The following ZNF222 variants were observed in gnomAD, a reference collection of about 807,000 sequenced individuals.
ZNF222 encodes zinc finger protein 222.
In ZNF222, 8 loss-of-function variants were observed where a neutral mutation model predicts 11.6. The observed-to-expected ratio is 0.69, with a 90% CI of 0.41 to 1.25. The LOEUF is 1.25. ZNF222 is among the 50% of genes most tolerant of loss of function. ZNF222 has a pLI of 0.01. For missense variants in ZNF222, 483 were observed against 576.1 expected, an observed-to-expected ratio of 0.84 and a Z score of 1.65; for synonymous variants, 171 against 195.6, an observed-to-expected ratio of 0.87 and a Z score of 1.05.
chr19:44,027,386 G>A lies in ZNF222; in HGVS notation c.170-12G>A, dbSNP rs1435946125. The A allele has an allele frequency of 1.9e-6, 3 of 1,611,902 alleles. No homozygotes were observed. In the East Asian group the frequency reaches 6.7e-5, roughly 36 times the overall value. The stretch of plus-strand genomic sequence containing the variant: ...ATGTTGGGATTAAGCATGTGACTTT[G>A]CCTGTTCACAGGGCATCAACCATTC... On this transcript the variant is annotated splice_polypyrimidine_tract_variant and intron_variant, in intron 2 of 3. Transcript: ENST00000391960.
At position 44,032,016 on chromosome 19, in the gene ZNF222, A is replaced by G. The variant is rs746040219; in HGVS notation, c.462A>G (p.Glu154=). The change falls in exon 4 of 4, where the codon GAA becomes GAG. Residue 154 remains glutamate, a synonymous_variant. Transcript: ENST00000391960. The stretch of plus-strand genomic sequence containing the variant: ...GACTATCTACAGTTCACACAAGAGA[A>G]AAACCTTTCCAGGGTGAAAATTGTA... ...KARLSTVHTR[E]KPFQGENCKQ... is the part of the protein sequence containing the mutation. 14 of 1,614,276 alleles carry G rather than the reference A, an allele frequency of 8.7e-6. No individual in the cohort carries two copies. Among genetic ancestry groups the G allele is most frequent in the Non-Finnish European group, 1.2e-5 (14 of 1,180,052 alleles).
At position 44,032,759 on chromosome 19, in the gene ZNF222, C is replaced by T. The variant is rs891634829; in HGVS notation, c.1205C>T (p.Thr402Ile). 8 of 1,613,958 alleles carry T rather than the reference C, an allele frequency of 5.0e-6. No individual in the cohort carries two copies. The highest frequency in any genetic ancestry group is 3.3e-5 in the Admixed American group (2 of 60,002). ...SKSGLDFHHRTHTGERSYNCD... is the reference protein window; with the variant it reads ...SKSGLDFHHRIHTGERSYNCD... ...TCAGGTCTTGACTTCCACCATAGAA[C>T]CCACACGGGAGAGAGATCTTATAAC... The change falls in exon 4 of 4, where the codon ACC (threonine) becomes ATC (isoleucine). Residue 402 changes from threonine to isoleucine, a missense_variant. Transcript: ENST00000391960.
chr19:44,030,707 G>C (rs1186195245), intron 3 of ZNF222, among the ~76,000 whole-genome samples: 1 of 152,076 alleles, frequency 6.6e-6, no homozygotes, highest in Non-Finnish European at 1.5e-5. Flanking sequence ...CCCAATCAGG[G>C]GAACTTACCT....
chr19:44,029,206 T>G lies in ZNF222; in HGVS notation c.262+1716T>G, dbSNP rs999762683. 5.2e-3 allele frequency among the ~76,000 whole-genome samples: 744 copies of G among 142,020 alleles called. 23 individuals carry two copies. The highest frequency in any genetic ancestry group is 0.018 in the African/African-American group (695 of 37,742). 93.2% of individuals were successfully genotyped at this position (142,020 alleles called of 152,430 possible). A position where few individuals can be genotyped will look rare whatever the true frequency, so the allele number is the denominator to read the frequency against. ...GTTTTGTTTTGTTTTTTTTTTTTTT[T>G]TTTTTTTTGTCTGTGCAGGGCTGCT... On this transcript the variant is annotated intron_variant, in intron 3 of 3. Coordinates refer to ENST00000391960, the MANE Select transcript of ZNF222 (RefSeq NM_001129996.2).
chr19:44,031,675 G>T (rs1599860432), intron 3 of ZNF222, 142 bp from the exon 4 acceptor site: 1 of 846,112 alleles, frequency 1.2e-6, no homozygotes, highest in East Asian at 2.6e-5. Flanking sequence ...TAGAGACAGG[G>T]CATCACCATG....
At chr19:44,031,031 C>T (rs1164935183) in intron 3 of ZNF222, 2 of 152,228 alleles carry the variant, frequency 1.3e-5, no homozygotes, top group Non-Finnish European at 2.9e-5. Context: ...CTGACGACAA[C>T]GTCCTGACCT....
intron 3 of ZNF222, among the ~76,000 whole-genome samples, chr19:44,029,181 G>GTTTTTT (rs142571594): frequency 2.6e-5 from 3 of 113,718 alleles, no homozygotes; most frequent in African/African-American, 9.8e-5. Flanking sequence ...TTGTTGGTTT[G>GTTTTTT]TTTTGTTTTG....
intron 3 of ZNF222, among the ~76,000 whole-genome samples, 181 bp from the exon 4 acceptor site, chr19:44,031,636 C>T (rs993392359): frequency 1.3e-5 from 2 of 149,916 alleles, no homozygotes; most frequent in South Asian, 2.1e-4. Flanking sequence ...GTGTGTGCCA[C>T]CACACCCGGC....
rs1213042386 is a variant in ZNF222 at position 44,032,933 on chromosome 19, G to T, written c.1379G>T (p.Ser460Ile). 3.1e-6 allele frequency: 5 copies of T among 1,610,872 alleles called. 1 individual carries two copies. The highest frequency in any genetic ancestry group is 4.2e-6 in the Non-Finnish European group (5 of 1,179,314). The change falls in exon 4 of 4, where the codon AGT becomes ATT. Residue 460 changes from serine to isoleucine, a missense_variant. Transcript: ENST00000391960. ...SYCKDQQRDH[S>I]GENPSKCEDC... Reference sequence around the variant, plus strand: ...TGTAAAGACCAACAAAGAGACCACAGTGGAGAAAACCCATCCAAATGTGAG... The same window carrying T: ...TGTAAAGACCAACAAAGAGACCACATTGGAGAAAACCCATCCAAATGTGAG...
Position 44,032,543 on chromosome 19 carries a change from A to G in ZNF222, c.989A>G (p.Tyr330Cys). ...GAGAAACTGTACAAATCTGAAAAGT[A>G]TGGAAGAGGTTTCATTGATAGGCTA... ...TAEKLYKSEK[Y>C]GRGFIDRLDL... is the part of the protein sequence containing the mutation. The change falls in exon 4 of 4, where the codon TAT (tyrosine) becomes TGT (cysteine). Residue 330 changes from tyrosine to cysteine, a missense_variant. Transcript: ENST00000391960. 1 of 1,614,240 alleles carries G rather than the reference A, an allele frequency of 6.2e-7. No individual in the cohort carries two copies. Among genetic ancestry groups the G allele is most frequent in the South Asian group, 1.1e-5 (1 of 91,090 alleles).
chr19:44,025,599 C>A lies in ZNF222; in HGVS notation c.42+121C>A. The A allele has an allele frequency of 2.0e-6, 2 of 1,024,406 alleles. No individual in the cohort carries two copies. Among genetic ancestry groups the A allele is most frequent in the Non-Finnish European group, 2.8e-6 (2 of 719,206 alleles). The allele number at this position is 1,024,406 out of a possible 1,614,324, so 63.5% of individuals were successfully genotyped here. A position where few individuals can be genotyped will look rare whatever the true frequency, so the allele number is the denominator to read the frequency against. On this transcript the variant is annotated intron_variant, in intron 1 of 3. Transcript: ENST00000391960. This position sits in a 1 kb window ranked among gnomAD's most constrained non-coding sequence, Gnocchi z 4.6. The stretch of plus-strand genomic sequence containing the variant: ...GGCCCGGTGTGCCCTACTTTGACCT[C>A]GCTTAGTCCGCCTCCCTCCTCCCTA...
chr19:44,028,210 C>T (rs1168990553), intron 3 of ZNF222: 4 of 398,998 alleles, frequency 1.0e-5, no homozygotes, highest in Non-Finnish European at 1.8e-5. Flanking sequence ...CTTTCAGGTC[C>T]CTTGTGATAG....
chr19:44,029,924 G>A (rs1027055372), intron 3 of ZNF222, among the ~76,000 whole-genome samples: 6 of 152,110 alleles, frequency 3.9e-5, no homozygotes, highest in African/African-American at 1.4e-4. Context: ...AGATGTGTGT[G>A]AGTGGCTTTA....
Position 44,032,335 on chromosome 19 carries a change from A to T in ZNF222, c.781A>T (p.Lys261Ter). The T allele has an allele frequency of 6.2e-7, 1 of 1,614,200 alleles. No homozygotes were observed. The highest frequency in any genetic ancestry group is 8.5e-7 in the Non-Finnish European group (1 of 1,180,028). ...TAGATCAGCACTTAAAGTTCATTGCAAATTACACATGAGAGAGAAACCTTA... is the reference window on the plus strand; with the variant it reads ...TAGATCAGCACTTAAAGTTCATTGCTAATTACACATGAGAGAGAAACCTTA... Reference protein sequence around the residue: ...RCRSALKVHCKLHMREKPYNC... With the variant: ...RCRSALKVHC The change falls in exon 4 of 4, where the codon AAA becomes TAA. Residue 261 changes from lysine to a stop codon, truncating the protein, a stop_gained. Coordinates refer to ENST00000391960, the MANE Select transcript of ZNF222 (RefSeq NM_001129996.2). LOFTEE classifies it low-confidence loss of function (END_TRUNC).
chr19:44,029,277 C>G (rs1337023822), intron 3 of ZNF222, among the ~76,000 whole-genome samples: 1 of 116,228 alleles, frequency 8.6e-6, no homozygotes, highest in Admixed American at 1.1e-4. Context: ...GGTTGGTTTT[C>G]TGTGTGTGCA....
intron 3 of ZNF222, 147 bp downstream of exon 3, chr19:44,027,637 C>G (rs1321946497): frequency 1.3e-6 from 1 of 753,830 alleles, no homozygotes; most frequent in Non-Finnish European, 2.2e-6. Flanking sequence ...CCCACCCTTC[C>G]CACCCTGCCA....
At chr19:44,031,791 CAT>C in intron 3 of ZNF222, 24 bp from the exon 4 acceptor site, 1 of 1,598,860 alleles carries the variant, frequency 6.3e-7, no homozygotes, top group South Asian at 1.1e-5. Context: ...TACTTGTCCA[CAT>C]GTCTTAATTC....
Position 44,032,083 on chromosome 19 carries a change from C to A in ZNF222, c.529C>A (p.Gln177Lys). The A allele has an allele frequency of 6.2e-7, 1 of 1,614,182 alleles. No homozygotes were observed. Among genetic ancestry groups the A allele is most frequent in the Non-Finnish European group, 8.5e-7 (1 of 1,180,046 alleles). The stretch of plus-strand genomic sequence containing the variant: ...TGTTTCCTTCTTTGATCTTCCTCAG[C>A]AGTTATATTCAGGAGAGAAGTCTCA... Reference protein sequence around the residue: ...SDVSFFDLPQQLYSGEKSHTC... With the variant: ...SDVSFFDLPQKLYSGEKSHTC... Residue 177 changes from glutamine (Q) to lysine (K), a missense_variant, in exon 4 of 4, where the codon CAG becomes AAG. Physicochemically the swap from Gln to Lys is moderately conservative, Grantham distance 53. Transcript: ENST00000391960.
intron 3 of ZNF222, 93 bp from the exon 4 acceptor site, chr19:44,031,724 A>T: frequency 7.2e-7 from 1 of 1,398,108 alleles, no homozygotes; most frequent in Non-Finnish European, 9.8e-7. Context: ...CTCACAGTCC[A>T]CCCGCCTCGG....
Sources: gnomAD v4.1 joint callset for allele counts (sites outside exome capture counted in the v4.1 genomes callset) on GRCh38, gnomAD v4.1.1 for gene constraint, Gnocchi (gnomAD v3.1) non-coding constraint, MANE v1.5 for transcripts, NCBI Gene and HGNC (gene_info 2026-07-23, HGNC 2026-07-21) for gene names.